Variants in IL16 observed in about 807,000 individuals in gnomAD.
The protein encoded by IL16 is interleukin 16, also known as pro-interleukin-16.
Under a neutral mutation model 110.1 loss-of-function variants are expected in IL16, and 67 were observed. That is an observed-to-expected ratio of 0.61 (90% CI 0.50 to 0.75). The LOEUF is 0.75. IL16 is among the 30% of genes least tolerant of loss of function. The probability of loss-of-function intolerance (pLI) is 0.00; values close to 1 mark genes in which losing one functional copy is unlikely to be tolerated. For synonymous variants in IL16, 689 were observed against 662.9 expected, an observed-to-expected ratio of 1.04 and a Z score of -0.61; for missense variants, 1,545 against 1,655.0, an observed-to-expected ratio of 0.93 and a Z score of 1.15.
Position 81,311,390 on chromosome 15 carries a change from A to T in IL16, c.*2592A>T, listed in dbSNP as rs190209007. On this transcript the variant is annotated 3_prime_UTR_variant, in exon 19 of 19. Coordinates refer to ENST00000683961, the MANE Select transcript of IL16 (RefSeq NM_172217.5). ...ATATTTTCTTTAAAAGACAAATCAA[A>T]GCAGATATATTAAGTGACTGTTCAA... 5.7e-4 allele frequency: 87 copies of T among 152,378 alleles called. No homozygotes were observed. Among genetic ancestry groups the T allele is most frequent in the African/African-American group, 2.1e-3 (86 of 41,572 alleles). 9.4% of individuals were successfully genotyped at this position (152,378 alleles called of 1,614,324 possible).
At chr15:81,193,450 C>A (rs1469803155), upstream of IL16, among the ~76,000 whole-genome samples, 1 of 152,012 alleles carries the variant, frequency 6.6e-6, no homozygotes, top group East Asian at 1.9e-4. Flanking sequence ...GAGTTGTTGG[C>A]ATGTGCGTGG....
In IL16 at chr15:81,292,338, A is replaced by G; in HGVS notation, c.1421-218A>G. On this transcript the variant is annotated intron_variant, in intron 11 of 18. Transcript: ENST00000683961. The stretch of plus-strand genomic sequence containing the variant: ...TGGCATATCTCCATATACATCAGTC[A>G]TAGGCTCAGAAAGCTTGAATGATTT... The G allele has an allele frequency of 9.2e-6, 6 of 654,120 alleles. No homozygotes were observed. The South Asian group carries it at 1.0e-4, about 11-fold the overall frequency. The allele number at this position is 654,120 out of a possible 1,614,324, so 40.5% of individuals were successfully genotyped here.
chr15:81,201,947 A>G (rs28568761), intron 1 of IL16, among the ~76,000 whole-genome samples: 24,994 of 152,172 alleles, frequency 0.16, 4,706 homozygotes, highest in African/African-American at 0.46. Context: ...TTACAATATA[A>G]GGCAAGTAAG....
intron 4 of IL16, 125 bp downstream of exon 4, chr15:81,265,926 G>T: frequency 1.2e-6 from 1 of 863,338 alleles, no homozygotes; most frequent in Non-Finnish European, 1.7e-6. Context: ...ACAGAGGAGA[G>T]GGTCTCGCTT....
At chr15:81,232,373 C>T (rs73499358) in intron 2 of IL16, among the ~76,000 whole-genome samples, 5,853 of 152,030 alleles carry the variant, frequency 0.038, 191 homozygotes, top group African/African-American at 0.1. Flanking sequence ...AGTGCAATGT[C>T]GAATAGAAGT....
Position 81,303,602 on chromosome 15 carries a change from T to C in IL16, c.3372T>C (p.Leu1124=). The C allele has an allele frequency of 1.2e-6, 2 of 1,614,092 alleles. No individual in the cohort carries two copies. The highest frequency in any genetic ancestry group is 1.7e-6 in the Non-Finnish European group (2 of 1,179,940). The part of the protein sequence containing the change: ...TILHKEEGAG[L]GFSLAGGADL... Reference sequence around the variant, plus strand: ...TACACAAGGAGGAAGGTGCTGGTCTTGGGTTCAGCTTGGCAGGAGGAGCAG... The same window carrying C: ...TACACAAGGAGGAAGGTGCTGGTCTCGGGTTCAGCTTGGCAGGAGGAGCAG... Residue 1124 remains leucine (L), a synonymous_variant, in exon 16 of 19, where the codon CTT becomes CTC. Coordinates refer to ENST00000683961, the MANE Select transcript of IL16 (RefSeq NM_172217.5). The surrounding 1 kb of genome is among the most constrained non-coding windows in gnomAD (Gnocchi z 4.1).
chr15:81,262,597 C>A (rs564393793), intron 3 of IL16, among the ~76,000 whole-genome samples: 2 of 152,072 alleles, frequency 1.3e-5, no homozygotes, highest in African/African-American at 4.8e-5. Flanking sequence ...AAACGATATG[C>A]AGTTAGGTCC....
rs749826433 is a variant in IL16 at position 81,292,741 on chromosome 15, G to A, written c.1606G>A (p.Asp536Asn). 2 of 1,614,168 alleles carry A rather than the reference G, an allele frequency of 1.2e-6. No individual in the cohort carries two copies. The highest frequency in any genetic ancestry group is 1.1e-5 in the South Asian group (1 of 91,092). Residue 536 changes from aspartate to asparagine, a missense_variant, in exon 12 of 19, where the codon GAC becomes AAC. By Grantham distance (23) the Asp-to-Asn change is conservative. Around this residue, in one of 3 missense-constraint regions of IL16, gnomAD observed 1,185 missense variants for 1,238.8 expected, o/e 0.96. Coordinates refer to ENST00000683961, the MANE Select transcript of IL16 (RefSeq NM_172217.5). The part of the protein sequence containing the change: ...GSGSAEKPSS[D>N]VDISTHSPSL... ...TGGCAGTGCTGAGAAGCCGTCCTCT[G>A]ACGTGGACATCAGCACACACAGCCC...
Position 81,303,346 on chromosome 15 carries a change from A to ATTTTTTTTT in IL16, c.3319-201_3319-193dup. ...TAATTATGCTTGCTGCTTTACATAC[A>ATTTTTTTTT]TTTTTTTTTTCTTCTAAGCTTCCCA... On this transcript the variant is annotated intron_variant, in intron 15 of 18. Transcript: ENST00000683961. This position sits in a 1 kb window ranked among gnomAD's most constrained non-coding sequence, Gnocchi z 4.1. The ATTTTTTTTT allele has an allele frequency of 3.8e-6, 2 of 527,952 alleles. No homozygotes were observed. Among genetic ancestry groups the ATTTTTTTTT allele is most frequent in the Non-Finnish European group, 6.8e-6 (2 of 294,974 alleles). 32.7% of individuals were successfully genotyped at this position (527,952 alleles called of 1,614,324 possible).
intron 2 of IL16, among the ~76,000 whole-genome samples, chr15:81,250,957 C>A (rs1284341973): frequency 6.6e-6 from 1 of 152,194 alleles, no homozygotes; most frequent in African/African-American, 2.4e-5. Context: ...TTTCTCTTCT[C>A]TTCCCAATAT....
chr15:81,252,149 A>G (rs972494772), intron 2 of IL16, among the ~76,000 whole-genome samples: 1 of 152,226 alleles, frequency 6.6e-6, no homozygotes, highest in Non-Finnish European at 1.5e-5. Context: ...AGGATGAAGG[A>G]GAGAATGGAT....
At position 81,312,930 on chromosome 15, in the gene IL16, C is replaced by T. The variant is rs2141666794; in HGVS notation, c.*4132C>T. On this transcript the variant is annotated 3_prime_UTR_variant, in exon 19 of 19. Transcript: ENST00000683961. ...GTGATGGGCACATAAAGCCTTGGTG[C>T]CAGAGTGCATCGCATGGTGTCCAGG... 1 of 170,652 alleles carries T rather than the reference C, an allele frequency of 5.9e-6. No homozygotes were observed. Among genetic ancestry groups the T allele is most frequent in the South Asian group, 1.6e-4 (1 of 6,310 alleles). The allele number at this position is 170,652 out of a possible 1,614,324, so 10.6% of individuals were successfully genotyped here.
chr15:81,269,507 ATCT>A, intron 4 of IL16, 28 bp from the exon 5 acceptor site: 1 of 1,492,858 alleles, frequency 6.7e-7, no homozygotes, highest in Non-Finnish European at 9.3e-7. Context: ...TATGTGGCTA[ATCT>A]TCTGCCTACT....
intron 1 of IL16, among the ~76,000 whole-genome samples, chr15:81,190,796 T>C (rs1448112467): frequency 2.0e-5 from 3 of 152,284 alleles, no homozygotes; most frequent in Non-Finnish European, 4.4e-5. Context: ...GACAAGATGG[T>C]GAATCCCCAC....
In IL16 at chr15:81,273,203, A is replaced by G. The variant is rs1433129187; in HGVS notation, c.789A>G (p.Glu263=). Residue 263 remains glutamate, a splice_region_variant and synonymous_variant, in exon 6 of 19, where the codon GAA becomes GAG. Transcript: ENST00000683961. ...GAAAADGRLQ[E]GDEILELNGE... is the part of the protein sequence containing the mutation. The stretch of plus-strand genomic sequence containing the variant: ...CAGCAGCCGATGGAAGGCTACAGGA[A>G]GGTAGGCTTCCCAGCCCTTTTCAGA... 3 of 1,603,338 alleles carry G rather than the reference A, an allele frequency of 1.9e-6. No individual in the cohort carries two copies. The highest frequency in any genetic ancestry group is 2.6e-6 in the Non-Finnish European group (3 of 1,172,332).
chr15:81,253,531 C>G (rs778114334), intron 2 of IL16, among the ~76,000 whole-genome samples: 3 of 152,096 alleles, frequency 2.0e-5, no homozygotes, highest in East Asian at 1.9e-4. Context: ...ATTGAAGAAG[C>G]CTCTCCCTAA....
rs749070410 is a variant in IL16 at position 81,265,726 on chromosome 15, C to G, written c.489C>G (p.Asp163Glu). Residue 163 changes from aspartate to glutamate, a missense_variant, in exon 4 of 19, where the codon GAC becomes GAG. Coordinates refer to ENST00000683961, the MANE Select transcript of IL16 (RefSeq NM_172217.5). ...CCAAGAAATCTGCAGCGCCCACGGA[C>G]AGGCAGCCTTACTCTCTCTGCAGTA... is the stretch of plus-strand genomic sequence containing the variant. ...PMTKKSAAPT[D>E]RQPYSLCSNR... The G allele has an allele frequency of 1.2e-6, 2 of 1,613,546 alleles. No homozygotes were observed. Among genetic ancestry groups the G allele is most frequent in the South Asian group, 1.1e-5 (1 of 90,970 alleles).
At chr15:81,211,468 T>C (rs1029842998) in intron 1 of IL16, among the ~76,000 whole-genome samples, 1 of 152,176 alleles carries the variant, frequency 6.6e-6, no homozygotes, top group Non-Finnish European at 1.5e-5. Context: ...GCCAGGCTGG[T>C]GTCAAAATCC....
intron 5 of IL16, among the ~76,000 whole-genome samples, chr15:81,271,163 A>C (rs1389479334): frequency 6.6e-6 from 1 of 152,168 alleles, no homozygotes; most frequent in Non-Finnish European, 1.5e-5. Flanking sequence ...GCACTGGCTC[A>C]CGCCTATAAT....
Sources: gnomAD v4.1 joint callset for allele counts (sites outside exome capture counted in the v4.1 genomes callset) on GRCh38, gnomAD v4.1.1 for gene constraint, gnomAD v4.1.1 regional missense constraint, Gnocchi (gnomAD v3.1) non-coding constraint, MANE v1.5 for transcripts, NCBI Gene and HGNC (gene_info 2026-07-23, HGNC 2026-07-21) for gene names.